DNAJC13: variants seen among roughly 807,000 people sequenced by gnomAD.
DNAJC13 encodes the protein DnaJ heat shock protein family (Hsp40) member C13.
Under a neutral mutation model 290.5 loss-of-function variants are expected in DNAJC13, and 75 were observed. That is an observed-to-expected ratio of 0.26 (90% CI 0.21 to 0.31). The LOEUF (loss-of-function observed/expected upper bound fraction) is 0.31. Among genes scored for constraint, DNAJC13 ranks in the 10% least tolerant of loss-of-function variants. The pLI is 1.00. For synonymous variants in DNAJC13, 862 were observed against 892.0 expected (o/e 0.97, Z 0.60); for missense variants, 2,260 against 2,674.5 (o/e 0.85, Z 3.42).
Position 132,489,746 on chromosome 3 carries a change from A to G in DNAJC13, c.3468+725A>G, listed in dbSNP as rs570721426. 5.3e-5 allele frequency among the ~76,000 whole-genome samples: 8 copies of G among 152,246 alleles called. No individual in the cohort carries two copies. The South Asian group carries it at 1.5e-3, about 28-fold the overall frequency. ...AATTATATGTTTTATAGAGCAGCCA[A>G]TGAAGCCCTAGAAAGTAACCCATTT... On this transcript the variant is annotated intron_variant, in intron 31 of 55. Coordinates refer to ENST00000260818, the MANE Select transcript of DNAJC13 (RefSeq NM_015268.4).
chr3:132,508,439 G>A (rs561824681), intron 43 of DNAJC13, among the ~76,000 whole-genome samples: 5 of 152,278 alleles, frequency 3.3e-5, no homozygotes, highest in African/African-American at 4.8e-5. Context: ...TCAAAGCTTC[G>A]AAGGACAAGT....
intron 46 of DNAJC13, among the ~76,000 whole-genome samples, chr3:132,515,457 A>G (rs1376438999): frequency 1.3e-5 from 2 of 151,932 alleles, no homozygotes; most frequent in Non-Finnish European, 2.9e-5. Context: ...TTTTTTCAAT[A>G]CATGATATGC....
chr3:132,509,007 A>G (rs1294565785), intron 43 of DNAJC13, among the ~76,000 whole-genome samples: 4 of 152,230 alleles, frequency 2.6e-5, no homozygotes, highest in African/African-American at 4.8e-5. Flanking sequence ...GCCTGCTAAT[A>G]CAGCATCCAT....
intron 48 of DNAJC13, among the ~76,000 whole-genome samples, chr3:132,520,698 A>G (rs1936063098): frequency 6.6e-6 from 1 of 152,226 alleles, no homozygotes; most frequent in Non-Finnish European, 1.5e-5. Flanking sequence ...GAAAGGACTC[A>G]TGTTAAGACA....
chr3:132,442,163 G>C (rs189076295), intron 2 of DNAJC13, among the ~76,000 whole-genome samples: 1 of 151,080 alleles, frequency 6.6e-6, no homozygotes, highest in Non-Finnish European at 1.5e-5. Flanking sequence ...AAAAATTGTT[G>C]GTTTTTTTGT....
intron 1 of DNAJC13, among the ~76,000 whole-genome samples, chr3:132,424,237 T>C (rs2107639737): frequency 6.6e-6 from 1 of 152,292 alleles, no homozygotes; most frequent in South Asian, 2.1e-4. Context: ...AGGGTCATAG[T>C]AATACATCTT....
chr3:132,419,307 T>C (rs1938888164), intron 1 of DNAJC13, among the ~76,000 whole-genome samples: 1 of 152,252 alleles, frequency 6.6e-6, no homozygotes, highest in Non-Finnish European at 1.5e-5. Context: ...ATTCCTCTTT[T>C]TCTAAAGTGG....
At chr3:132,496,712 C>A in intron 36 of DNAJC13, 49 bp downstream of exon 36, 1 of 1,530,380 alleles carries the variant, frequency 6.5e-7, no homozygotes, top group Non-Finnish European at 8.8e-7. Flanking sequence ...CTAACCTTAT[C>A]ACAGCTAACC....
In DNAJC13 at chr3:132,421,598, A is replaced by AT. The variant is rs879378484; in HGVS notation, c.-14+3851dup. Among the ~76,000 whole-genome samples, 315 of 143,200 alleles carry AT rather than the reference A, an allele frequency of 2.2e-3. 1 individual carries two copies. The highest frequency in any genetic ancestry group is 4.2e-3 in the East Asian group (21 of 4,942). 93.9% of individuals were successfully genotyped at this position (143,200 alleles called of 152,430 possible). ...AGGCGCTTGCCACCATGCTGGGCTGATTTTTTTTTTTTTCTGTATTTTTAG... is the reference window on the plus strand; with the variant it reads ...AGGCGCTTGCCACCATGCTGGGCTGATTTTTTTTTTTTTTCTGTATTTTTAG... On this transcript the variant is annotated intron_variant, in intron 1 of 55. Transcript: ENST00000260818.
At chr3:132,442,821 G>A (rs1372455016) in intron 2 of DNAJC13, among the ~76,000 whole-genome samples, 2 of 152,140 alleles carry the variant, frequency 1.3e-5, no homozygotes, top group African/African-American at 4.8e-5. Flanking sequence ...GGTGCAGTAG[G>A]TAAAGTCAAT....
chr3:132,422,789 C>G (rs1336268935), intron 1 of DNAJC13, among the ~76,000 whole-genome samples: 2 of 152,056 alleles, frequency 1.3e-5, no homozygotes, highest in African/African-American at 4.8e-5. Context: ...ATTCAATAGT[C>G]GACATATGGG....
In DNAJC13 at chr3:132,503,212, A is replaced by G; in HGVS notation, c.4717-2A>G. On this transcript the variant is annotated splice_acceptor_variant, in intron 40 of 55. Coordinates refer to ENST00000260818, the MANE Select transcript of DNAJC13 (RefSeq NM_015268.4). LOFTEE classifies it high-confidence loss of function. ...TTAACAACTTAATTTTTTTTATAAC[A>G]GGAGGTAGCAAACAGCCTTGCCAAA... The G allele has an allele frequency of 1.2e-6, 2 of 1,612,302 alleles. No individual in the cohort carries two copies. Among genetic ancestry groups the G allele is most frequent in the Non-Finnish European group, 1.7e-6 (2 of 1,179,322 alleles).
At chr3:132,515,831 C>T (rs1935903662) in intron 46 of DNAJC13, among the ~76,000 whole-genome samples, 1 of 152,164 alleles carries the variant, frequency 6.6e-6, no homozygotes, top group Admixed American at 6.6e-5. Context: ...ACTTTGCAGC[C>T]TCTACCTTAT....
chr3:132,419,576 G>A (rs1347240241), intron 1 of DNAJC13, among the ~76,000 whole-genome samples: 3 of 152,210 alleles, frequency 2.0e-5, no homozygotes, highest in East Asian at 1.9e-4. Context: ...AAATTGAAAA[G>A]ATGTGTTTTA....
intron 36 of DNAJC13, among the ~76,000 whole-genome samples, chr3:132,497,847 T>C (rs974304394): frequency 2.0e-5 from 3 of 151,786 alleles, no homozygotes; most frequent in African/African-American, 4.8e-5. Flanking sequence ...TCTTATTACG[T>C]ATGTGTCACT....
intron 41 of DNAJC13, 60 bp from the exon 42 acceptor site, chr3:132,505,242 A>C: frequency 2.8e-6 from 3 of 1,053,574 alleles, no homozygotes; most frequent in Non-Finnish European, 4.3e-6. Context: ...ATTTTTAATA[A>C]GTGATAATGT....
chr3:132,483,308 G>A, intron 27 of DNAJC13, 67 bp from the exon 28 acceptor site: 1 of 1,307,064 alleles, frequency 7.7e-7, no homozygotes, highest in Non-Finnish European at 1.1e-6. Context: ...TTACTATAAA[G>A]TAGAAAACAC....
intron 48 of DNAJC13, among the ~76,000 whole-genome samples, chr3:132,519,675 G>A (rs1197733781): frequency 6.6e-6 from 1 of 151,490 alleles, no homozygotes; most frequent in East Asian, 1.9e-4. Context: ...CCTAATCCAA[G>A]GTTACAAAGA....
At chr3:132,484,434 A>G in intron 28 of DNAJC13, 154 bp from the exon 29 acceptor site, 3 of 666,458 alleles carry the variant, frequency 4.5e-6, no homozygotes, top group Non-Finnish European at 7.9e-6. Flanking sequence ...ATTTAAACCA[A>G]AATACCTAAT....
Sources: gnomAD v4.1 joint callset for allele counts (sites outside exome capture counted in the v4.1 genomes callset) on GRCh38, gnomAD v4.1.1 for gene constraint, MANE v1.5 for transcripts, NCBI Gene and HGNC (gene_info 2026-07-23, HGNC 2026-07-21) for gene names.